PYROXD1: variants seen among roughly 807,000 people sequenced by gnomAD.
The protein encoded by PYROXD1 is tRNA ligase complex-associated NAD(P)H dehydrogenase PYROXD1.
PYROXD1 carries 42 observed loss-of-function variants against 62.0 expected under a neutral mutation model. That is an observed-to-expected ratio of 0.68 (90% CI 0.53 to 0.88). The LOEUF is 0.88. PYROXD1 is among the 40% of genes least tolerant of loss of function. PYROXD1 has a pLI of 0.00. For synonymous variants in PYROXD1, 170 were observed against 206.4 expected (o/e 0.82, Z 1.51); for missense variants, 493 against 604.8 (o/e 0.82, Z 1.94).
chr12:21,448,806 G>A (rs1253302002), intron 3 of PYROXD1, among the ~76,000 whole-genome samples: 1 of 152,072 alleles, frequency 6.6e-6, no homozygotes, highest in Non-Finnish European at 1.5e-5. Context: ...TTTTCATTCA[G>A]TATTAAAGAA....
chr12:21,447,424 T>C (rs1942410060), intron 3 of PYROXD1: 1 of 152,302 alleles, frequency 6.6e-6, no homozygotes. Context: ...ATATGCTAAA[T>C]GGATTGTCAG....
chr12:21,441,781 T>TC (rs1942300552), intron 2 of PYROXD1, among the ~76,000 whole-genome samples: 1 of 152,238 alleles, frequency 6.6e-6, no homozygotes, highest in South Asian at 2.1e-4. Context: ...TGGTGGCATA[T>TC]CTTCTTGGTT....
At chr12:21,456,744 C>T (rs934159998) in intron 7 of PYROXD1, 3 of 334,960 alleles carry the variant, frequency 9.0e-6, no homozygotes, top group Admixed American at 4.5e-5. Flanking sequence ...TTCTCTGTAG[C>T]GTGCGAAGCT....
At chr12:21,454,736 T>C (rs1942564018) in intron 5 of PYROXD1, 1 of 152,852 alleles carries the variant, frequency 6.5e-6, no homozygotes, top group Non-Finnish European at 1.5e-5. Flanking sequence ...CTCAATATTA[T>C]AGCTATGTGC....
chr12:21,439,479 G>A (rs892036564), intron 1 of PYROXD1, among the ~76,000 whole-genome samples: 1 of 152,074 alleles, frequency 6.6e-6, no homozygotes, highest in Non-Finnish European at 1.5e-5. Context: ...GAGAAGAATC[G>A]CATGGGTGTT....
At position 21,469,654 on chromosome 12, in the gene PYROXD1, A is replaced by AAAC. The variant is rs1269838145; in HGVS notation, c.*901_*903dup. Reference sequence around the variant, plus strand: ...TTCTCAAATATTTTACATTTTTTGTAAACTTTCTTAAAACATGAGATTTTT... The same window carrying AAAC: ...TTCTCAAATATTTTACATTTTTTGTAAACAACTTTCTTAAAACATGAGATTTTT... On this transcript the variant is annotated 3_prime_UTR_variant, in exon 12 of 12. Coordinates refer to ENST00000240651, the MANE Select transcript of PYROXD1 (RefSeq NM_024854.5). 1 of 150,944 alleles carries AAAC rather than the reference A, an allele frequency of 6.6e-6. No homozygotes were observed. Among genetic ancestry groups the AAAC allele is most frequent in the Non-Finnish European group, 1.5e-5 (1 of 67,776 alleles). The allele number at this position is 150,944 out of a possible 1,614,324, so 9.4% of individuals were successfully genotyped here. A position where few individuals can be genotyped will look rare whatever the true frequency, so the allele number is the denominator to read the frequency against.
intron 1 of PYROXD1, among the ~76,000 whole-genome samples, chr12:21,438,828 A>G (rs1283705773): frequency 6.6e-6 from 1 of 152,204 alleles, no homozygotes; most frequent in Non-Finnish European, 1.5e-5. Context: ...AAGTAAACAT[A>G]TATGATGCAG....
At position 21,462,049 on chromosome 12, in the gene PYROXD1, T is replaced by TA; in HGVS notation, c.923dup (p.Tyr308Ter). Residue 308 changes from tyrosine (Y) to a stop codon, truncating the protein, a stop_gained and frameshift_variant, in exon 9 of 12, where the codon TAT becomes TAAT. Coordinates refer to ENST00000240651, the MANE Select transcript of PYROXD1 (RefSeq NM_024854.5). LOFTEE classifies it high-confidence loss of function. ...VYVELTNEKI[Y>*]GCDFIVSATG... The stretch of plus-strand genomic sequence containing the variant: ...TGTGGAATTGACCAATGAAAAGATA[T>TA]ATGGCTGCGATTTCATTGTCAGTGC... 6.2e-7 allele frequency: 1 copy of TA among 1,612,526 alleles called. No individual in the cohort carries two copies. The highest frequency in any genetic ancestry group is 8.5e-7 in the Non-Finnish European group (1 of 1,179,466).
rs764522629 is a variant in PYROXD1 at position 21,445,401 on chromosome 12, G to A, written c.220G>A (p.Gly74Arg). The stretch of plus-strand genomic sequence containing the variant: ...TGAAGAACAATCAAGTACCATGTTA[G>A]GAAAACGCTTTCCCAACATTAAGGT... ...DVEEQSSTML[G>R]KRFPNIKVIE... The change falls in exon 3 of 12, where the codon GGA becomes AGA. Residue 74 changes from glycine (G) to arginine (R), a missense_variant. Transcript: ENST00000240651. The A allele has an allele frequency of 2.1e-5, 34 of 1,610,402 alleles. No homozygotes were observed. In the Admixed American group the frequency reaches 5.7e-4, roughly 27 times the overall value.
At chr12:21,466,680 C>G (rs1353798446) in intron 10 of PYROXD1, among the ~76,000 whole-genome samples, 1 of 152,096 alleles carries the variant, frequency 6.6e-6, no homozygotes. Flanking sequence ...ATTGCCCTGG[C>G]CAGAACTTCC....
chr12:21,466,356 G>C (rs556687170), intron 10 of PYROXD1, among the ~76,000 whole-genome samples: 2,332 of 151,328 alleles, frequency 0.015, 15 homozygotes, highest in Middle Eastern at 0.051. Flanking sequence ...GCAGTGGTTT[G>C]TAGTTCTCCT....
intron 5 of PYROXD1, among the ~76,000 whole-genome samples, chr12:21,452,537 A>G (rs1457815089): frequency 3.9e-5 from 6 of 152,088 alleles, no homozygotes; most frequent in Non-Finnish European, 8.8e-5. Context: ...TATTGCTTAT[A>G]TGATAAATCC....
In PYROXD1 at chr12:21,469,760, A is replaced by T. The variant is rs1942885510; in HGVS notation, c.*1006A>T. 2 of 154,534 alleles carry T rather than the reference A, an allele frequency of 1.3e-5. No individual in the cohort carries two copies. The highest frequency in any genetic ancestry group is 4.8e-5 in the African/African-American group (2 of 41,280). The allele number at this position is 154,534 out of a possible 1,614,324, so 9.6% of individuals were successfully genotyped here. A position where few individuals can be genotyped will look rare whatever the true frequency, so the allele number is the denominator to read the frequency against. The stretch of plus-strand genomic sequence containing the variant: ...TGCGGCCCAAGACAATTCTTCTTCC[A>T]ATGTGGCTCAGGGAAGCCAAAAGAT... On this transcript the variant is annotated 3_prime_UTR_variant, in exon 12 of 12. Transcript: ENST00000240651.
In PYROXD1 at chr12:21,449,584, A is replaced by G; in HGVS notation, c.307A>G (p.Asn103Asp). 1 of 1,612,984 alleles carries G rather than the reference A, an allele frequency of 6.2e-7. No individual in the cohort carries two copies. Among genetic ancestry groups the G allele is most frequent in the African/African-American group, 1.3e-5 (1 of 74,996 alleles). Residue 103 changes from asparagine to aspartate, a missense_variant, in exon 4 of 12, where the codon AAT becomes GAT. Asn to Asp is a conservative substitution (Grantham distance 23). Transcript: ENST00000240651. ...EEHCIVTEDG[N>D]QHVYKKLCLC... ...ACAGTGCATTGTAACAGAAGATGGC[A>G]ATCAGCACGTATATAAGAAACTCTG...
Position 21,468,551 on chromosome 12 carries a change from C to A in PYROXD1, c.1300C>A (p.His434Asn), listed in dbSNP as rs1374966563. 2 of 1,612,550 alleles carry A rather than the reference C, an allele frequency of 1.2e-6. No individual in the cohort carries two copies. The highest frequency in any genetic ancestry group is 1.3e-5 in the African/African-American group (1 of 74,852). Residue 434 changes from histidine (H) to asparagine (N), a missense_variant, in exon 12 of 12, where the codon CAT becomes AAT. Physicochemically the swap from His to Asn is moderately conservative, Grantham distance 68. Transcript: ENST00000240651. ...CAATGCACAGGGCTTAGGTTCAGAT[C>A]ATGAATTAATGCTGAGATGTACCAA... ...KYNAQGLGSD[H>N]ELMLRCTKGR...
intron 4 of PYROXD1, among the ~76,000 whole-genome samples, chr12:21,450,110 C>T (rs965550990): frequency 3.3e-5 from 5 of 150,878 alleles, no homozygotes; most frequent in African/African-American, 4.9e-5. Flanking sequence ...ACCTCGTGAC[C>T]GCCCACCTAG....
intron 6 of PYROXD1, 77 bp from the exon 7 acceptor site, chr12:21,455,918 C>A: frequency 1.2e-6 from 1 of 832,988 alleles, no homozygotes; most frequent in Non-Finnish European, 2.0e-6. Context: ...CATTACATTG[C>A]CTAAATAAAA....
intron 7 of PYROXD1, among the ~76,000 whole-genome samples, chr12:21,459,980 C>T (rs7134195): frequency 0.99 from 150,764 of 152,340 alleles, 74,635 homozygotes; most frequent in East Asian, 1. Flanking sequence ...ACACTTAATA[C>T]CCTAATTGGA....
chr12:21,466,099 G>A (rs1402521844), intron 10 of PYROXD1, among the ~76,000 whole-genome samples: 14 of 151,088 alleles, frequency 9.3e-5, no homozygotes, highest in Non-Finnish European at 1.0e-4. Flanking sequence ...GTCAGGTAGC[G>A]TGATGCCTCC....
Sources: allele counts gnomAD v4.1 joint callset (sites outside exome capture counted in the v4.1 genomes callset), GRCh38; gene constraint gnomAD v4.1.1; transcripts MANE v1.5; gene names NCBI Gene and HGNC (gene_info 2026-07-23, HGNC 2026-07-21).